ERCC6: variants seen among roughly 807,000 people sequenced by gnomAD.
ERCC6 encodes the protein ERCC excision repair 6, chromatin remodeling factor, also known as DNA excision repair protein ERCC-6.
A neutral mutation model predicts 158.7 loss-of-function variants in ERCC6; 116 were observed. The ratio of observed to expected loss-of-function variants is 0.73; its 90% CI spans 0.63 to 0.85. The LOEUF is 0.85. Among genes scored for constraint, ERCC6 ranks in the 40% least tolerant of loss-of-function variants. The probability of loss-of-function intolerance (pLI) is 0.00; values close to 1 mark genes in which losing one functional copy is unlikely to be tolerated. For missense variants in ERCC6, 1,698 were observed against 1,799.4 expected (o/e 0.94, Z 1.02); for synonymous variants, 678 against 659.3 (o/e 1.03, Z -0.43).
At chr10:49,516,047 G>A in intron 5 of ERCC6, 1 of 1,614,056 alleles carries the variant, frequency 6.2e-7, no homozygotes. Context: ...GTGCAATACT[G>A]GTGAAAAAGT....
In ERCC6 at chr10:49,472,962, C is replaced by A. The variant is rs765252538; in HGVS notation, c.2776G>T (p.Ala926Ser). The A allele has an allele frequency of 6.2e-7, 1 of 1,614,096 alleles. No homozygotes were observed. Among genetic ancestry groups the A allele is most frequent in the Non-Finnish European group, 8.5e-7 (1 of 1,179,990 alleles). ...VGGLGVNLTGANRVVIYDPDW... is the reference protein window; with the variant it reads ...VGGLGVNLTGSNRVVIYDPDW... ...GGGTCATAGATGACAACTCTGTTTG[C>A]CCCCGTCAGGTTGACACCTAAGCCG... is the stretch of plus-strand genomic sequence containing the variant. The change falls in exon 15 of 21, where the codon GCA (alanine) becomes TCA (serine). Residue 926 changes from alanine to serine, a missense_variant. By Grantham distance (99) the Ala-to-Ser change is moderately conservative. Transcript: ENST00000355832.
At chr10:49,450,437 G>A (rs1396281213), downstream of ERCC6, among the ~76,000 whole-genome samples, 1 of 152,118 alleles carries the variant, frequency 6.6e-6, no homozygotes, top group African/African-American at 2.4e-5. Flanking sequence ...AAGAAATGTG[G>A]GTTTTTCTAC....
intron 20 of ERCC6, among the ~76,000 whole-genome samples, chr10:49,459,562 G>A (rs988526923): frequency 6.6e-6 from 1 of 152,144 alleles, no homozygotes; most frequent in East Asian, 1.9e-4. Context: ...GTCTCTAGGA[G>A]GCCCAGGACC....
rs11101139 is a variant in ERCC6, at chr10:49,478,508, G to A, written c.2170-38C>T. The A allele has an allele frequency of 0.065, 80,508 of 1,229,700 alleles. 3,252 individuals are homozygous for A. The highest frequency in any genetic ancestry group is 0.08 in the Non-Finnish European group (67,171 of 837,642). 76.2% of individuals were successfully genotyped at this position (1,229,700 alleles called of 1,614,324 possible). A position where few individuals can be genotyped will look rare whatever the true frequency, so the allele number is the denominator to read the frequency against. On this transcript the variant is annotated intron_variant, in intron 10 of 20. Transcript: ENST00000355832. ...CAGAGAAGGGAACATTACTATATAT[G>A]TTTAAGGAACGCATTTGTTCTTACC...
At chr10:49,463,718 C>G (rs1166160349) in intron 18 of ERCC6, among the ~76,000 whole-genome samples, 2 of 152,276 alleles carry the variant, frequency 1.3e-5, no homozygotes, top group Admixed American at 1.3e-4. Flanking sequence ...CTACACTGTT[C>G]TCATGAGTGA....
chr10:49,536,539 A>C (rs1837603157), intron 1 of ERCC6, among the ~76,000 whole-genome samples: 1 of 152,252 alleles, frequency 6.6e-6, no homozygotes, highest in African/African-American at 2.4e-5. Context: ...AATATCCCAC[A>C]AAGCAGCAAG....
chr10:49,500,579 A>G lies in ERCC6; in HGVS notation c.1644T>C (p.Gly548=). 6.2e-7 allele frequency: 1 copy of G among 1,613,992 alleles called. No individual in the cohort carries two copies. Among genetic ancestry groups the G allele is most frequent in the Non-Finnish European group, 8.5e-7 (1 of 1,179,916 alleles). ...KTIQIIAFLA[G]LSYSKIRTRG... ...GAGTCCTGATCTTGCTGTAGCTCAGACCTGCCAAGAAGGCAATTATCTGGA... is the reference window on the plus strand; with the variant it reads ...GAGTCCTGATCTTGCTGTAGCTCAGGCCTGCCAAGAAGGCAATTATCTGGA... The change falls in exon 7 of 21, where the codon GGT becomes GGC. Residue 548 remains glycine (G), a synonymous_variant. Transcript: ENST00000355832.
At chr10:49,493,065 T>A (rs1851202972) in intron 8 of ERCC6, 52 bp downstream of exon 8, 1 of 1,595,380 alleles carries the variant, frequency 6.3e-7, no homozygotes, top group Admixed American at 1.7e-5. Flanking sequence ...ACCAAATATG[T>A]AAAATGGAGG....
intron 5 of ERCC6, among the ~76,000 whole-genome samples, chr10:49,518,779 A>AGGGGAAGGACAATGAAGAGTATT (rs1837062325): frequency 6.6e-6 from 1 of 152,194 alleles, no homozygotes; most frequent in Admixed American, 6.5e-5. Context: ...CCCAGTGCTC[A>AGGGGAAGGACAATGAAGAGTATT]GGGGAAGGAC....
chr10:49,515,980 G>A lies in ERCC6; in HGVS notation c.1397+8053C>T. 1.9e-6 allele frequency: 3 copies of A among 1,614,082 alleles called. No individual in the cohort carries two copies. The South Asian group carries it at 3.3e-5, about 18-fold the overall frequency. On this transcript the variant is annotated intron_variant, in intron 5 of 20. Transcript: ENST00000355832. ...GATTCCAGTGGAACTCTGTCAATGT[G>A]ATCCTTTCTCACTGTACCTGTTGCC...
At chr10:49,497,721 G>C (rs1851290812) in intron 7 of ERCC6, among the ~76,000 whole-genome samples, 1 of 152,074 alleles carries the variant, frequency 6.6e-6, no homozygotes, top group African/African-American at 2.4e-5. Context: ...ATGAGTAATG[G>C]CTAAGTGTAC....
At chr10:49,467,735 T>C (rs1850703209) in intron 18 of ERCC6, among the ~76,000 whole-genome samples, 1 of 151,916 alleles carries the variant, frequency 6.6e-6, no homozygotes, top group African/African-American at 2.4e-5. Context: ...CCGGCTATTT[T>C]TTTTTTTATT....
chr10:49,528,244 G>A (rs45534740), intron 4 of ERCC6, among the ~76,000 whole-genome samples, 173 bp downstream of exon 4: 3 of 152,212 alleles, frequency 2.0e-5, no homozygotes, highest in African/African-American at 7.2e-5. Context: ...CTTTGAGAGG[G>A]ATTTGGTTCT....
intron 3 of ERCC6, 24 bp from the exon 4 acceptor site, chr10:49,528,549 A>T: frequency 1.2e-6 from 2 of 1,613,338 alleles, no homozygotes; most frequent in Non-Finnish European, 1.7e-6. Flanking sequence ...TATAGAAGAC[A>T]GAAAACAGCA....
intron 18 of ERCC6, among the ~76,000 whole-genome samples, chr10:49,468,483 A>C (rs781338563): frequency 2.6e-5 from 4 of 152,164 alleles, no homozygotes; most frequent in Non-Finnish European, 1.5e-5. Flanking sequence ...CCATTGCTTC[A>C]TATGTTTTGT....
At chr10:49,526,247 C>G (rs1837337996) in intron 4 of ERCC6, among the ~76,000 whole-genome samples, 1 of 149,480 alleles carries the variant, frequency 6.7e-6, no homozygotes, top group Non-Finnish European at 1.5e-5. Context: ...CAGAAAGTTC[C>G]AACTGGTGTA....
chr10:49,443,175 C>T, the ERCC6 span, among the ~76,000 whole-genome samples: 3 of 152,090 alleles, frequency 2.0e-5, no homozygotes, highest in Non-Finnish European at 2.9e-5. Context: ...GAACCTTTTG[C>T]CATTTGTGTT....
intron 18 of ERCC6, among the ~76,000 whole-genome samples, chr10:49,463,069 C>T (rs1850612330): frequency 6.6e-6 from 1 of 152,140 alleles, no homozygotes; most frequent in South Asian, 2.1e-4. Flanking sequence ...ATATCTCTTA[C>T]CCAAAATTCT....
intron 12 of ERCC6, among the ~76,000 whole-genome samples, chr10:49,475,083 C>G (rs2132542989): frequency 6.6e-6 from 1 of 152,324 alleles, no homozygotes; most frequent in African/African-American, 2.4e-5. Flanking sequence ...TCATCCGTGA[C>G]TCATTCTTCT....
Sources: gnomAD v4.1 joint callset for allele counts (sites outside exome capture counted in the v4.1 genomes callset) on GRCh38, gnomAD v4.1.1 for gene constraint, MANE v1.5 for transcripts, NCBI Gene and HGNC (gene_info 2026-07-23, HGNC 2026-07-21) for gene names.